CCSER1: variants seen among roughly 807,000 people sequenced by gnomAD.
CCSER1 encodes coiled-coil serine rich protein 1.
Under a neutral mutation model 82.0 loss-of-function variants are expected in CCSER1, and 41 were observed. The observed-to-expected ratio is 0.50, with a 90% CI of 0.39 to 0.65. The LOEUF is 0.65. Ranked by LOEUF, CCSER1 falls within the 30% of genes least tolerant of loss-of-function variation. CCSER1 has a pLI of 0.00. For synonymous variants in CCSER1, 414 were observed against 383.9 expected (o/e 1.08, Z -0.92); for missense variants, 1,119 against 1,064.2 (o/e 1.05, Z -0.72).
chr4:91,074,346 A>G (rs573904987), intron 9 of CCSER1, among the ~76,000 whole-genome samples: 1 of 152,340 alleles, frequency 6.6e-6, no homozygotes, highest in East Asian at 1.9e-4. Flanking sequence ...AATAGTAATG[A>G]GTCTTTTATT....
intron 10 of CCSER1, among the ~76,000 whole-genome samples, chr4:91,258,623 A>G (rs1740874188): frequency 6.6e-6 from 1 of 152,098 alleles, no homozygotes; most frequent in African/African-American, 2.4e-5. Flanking sequence ...GCTTAAAGAT[A>G]TTGTGATTAT....
At chr4:91,136,754 T>A (rs1176722198) in intron 10 of CCSER1, among the ~76,000 whole-genome samples, 1 of 152,176 alleles carries the variant, frequency 6.6e-6, no homozygotes, top group Non-Finnish European at 1.5e-5. Context: ...TTATTCATTT[T>A]GAGTTATTTT....
intron 3 of CCSER1, among the ~76,000 whole-genome samples, chr4:90,383,375 A>G (rs1414000409): frequency 1.3e-5 from 2 of 152,204 alleles, no homozygotes; most frequent in Non-Finnish European, 2.9e-5. Context: ...TTTACAGCAA[A>G]AAGAATCACA....
chr4:90,287,087 C>CT (rs1730040235), intron 1 of CCSER1, among the ~76,000 whole-genome samples: 1 of 151,680 alleles, frequency 6.6e-6, no homozygotes, highest in African/African-American at 2.4e-5. Context: ...GACTGCTTTA[C>CT]TTTTTTCCAA....
chr4:90,471,695 G>T (rs991899613), intron 5 of CCSER1, among the ~76,000 whole-genome samples: 65 of 151,902 alleles, frequency 4.3e-4, no homozygotes, highest in African/African-American at 1.4e-3. Flanking sequence ...ACTAGATAGG[G>T]CTGGACGTGG....
intron 10 of CCSER1, among the ~76,000 whole-genome samples, chr4:91,095,125 T>C (rs1309064511): frequency 2.0e-5 from 3 of 152,190 alleles, no homozygotes; most frequent in Non-Finnish European, 4.4e-5. Flanking sequence ...TTAATGTCCT[T>C]GCCCCCTATT....
intron 10 of CCSER1, among the ~76,000 whole-genome samples, chr4:91,096,020 T>C (rs1724476067): frequency 6.6e-6 from 1 of 152,152 alleles, no homozygotes; most frequent in Admixed American, 6.6e-5. Flanking sequence ...GTATAATAGT[T>C]TGGAGCAAGT....
intron 1 of CCSER1, among the ~76,000 whole-genome samples, chr4:90,183,583 G>A (rs1408513221): frequency 6.6e-6 from 1 of 152,124 alleles, no homozygotes; most frequent in Non-Finnish European, 1.5e-5. Flanking sequence ...GAATGCATGT[G>A]ATAGTGGAAC....
chr4:90,691,694 C>T (rs952503997), intron 6 of CCSER1, among the ~76,000 whole-genome samples: 3 of 138,212 alleles, frequency 2.2e-5, no homozygotes, highest in African/African-American at 8.2e-5. Context: ...TATATATATA[C>T]ACACATATAT....
chr4:90,662,265 GGGATTACA>G (rs1391444107), intron 6 of CCSER1, among the ~76,000 whole-genome samples: 1 of 152,014 alleles, frequency 6.6e-6, no homozygotes, highest in African/African-American at 2.4e-5. Flanking sequence ...CCAAAGTGCT[GGGATTACA>G]GGCCTGAGCC....
At chr4:91,532,306 G>T (rs922072203) in intron 10 of CCSER1, among the ~76,000 whole-genome samples, 1 of 152,072 alleles carries the variant, frequency 6.6e-6, no homozygotes, top group South Asian at 2.1e-4. Flanking sequence ...AGAAAAAGAC[G>T]CATTATAAAT....
At chr4:90,319,417 C>A (rs755637162) in intron 3 of CCSER1, among the ~76,000 whole-genome samples, 1 of 152,016 alleles carries the variant, frequency 6.6e-6, no homozygotes, top group African/African-American at 2.4e-5. Context: ...TTTGGGAGGC[C>A]GAGGTGGGCG....
intron 6 of CCSER1, among the ~76,000 whole-genome samples, chr4:90,707,962 CAGA>C (rs1739722274): frequency 6.6e-6 from 1 of 152,122 alleles, no homozygotes; most frequent in Admixed American, 6.6e-5. Context: ...TAAAAAGCCC[CAGA>C]ATGGAAAGAT....
chr4:90,962,999 A>T (rs1348580581), intron 9 of CCSER1, among the ~76,000 whole-genome samples: 1 of 152,198 alleles, frequency 6.6e-6, no homozygotes, highest in African/African-American at 2.4e-5. Flanking sequence ...AAAAAAAATC[A>T]TGTTTTAAAT....
At chr4:91,534,590 A>G (rs1252405278) in intron 10 of CCSER1, among the ~76,000 whole-genome samples, 7 of 151,992 alleles carry the variant, frequency 4.6e-5, no homozygotes, top group Non-Finnish European at 1.0e-4. Flanking sequence ...AAATGTAAAC[A>G]TTCTATAAGT....
intron 10 of CCSER1, among the ~76,000 whole-genome samples, chr4:91,550,385 T>A: frequency 6.6e-6 from 1 of 152,162 alleles, no homozygotes; most frequent in East Asian, 1.9e-4. Context: ...CAGCAATTCA[T>A]CAATTACAGT....
At chr4:91,167,182 A>G (rs1336131969) in intron 10 of CCSER1, among the ~76,000 whole-genome samples, 1 of 133,970 alleles carries the variant, frequency 7.5e-6, no homozygotes, top group East Asian at 2.2e-4. Context: ...AAGAATTGCA[A>G]TACTTTTTTT....
intron 1 of CCSER1, among the ~76,000 whole-genome samples, chr4:90,162,104 A>C (rs1159778828): frequency 6.6e-6 from 1 of 152,084 alleles, no homozygotes; most frequent in Non-Finnish European, 1.5e-5. Context: ...AGTTGGTGAA[A>C]GGTTTAGGTG....
At chr4:90,803,458 G>A (rs1462148829) in intron 7 of CCSER1, among the ~76,000 whole-genome samples, 2 of 152,176 alleles carry the variant, frequency 1.3e-5, no homozygotes, top group South Asian at 2.1e-4. Flanking sequence ...GAGAACATGT[G>A]GTGTTTGGTT....
Sources: allele counts gnomAD v4.1 joint callset (sites outside exome capture counted in the v4.1 genomes callset), GRCh38; gene constraint gnomAD v4.1.1; transcripts MANE v1.5; gene names NCBI Gene and HGNC (gene_info 2026-07-23, HGNC 2026-07-21).